PAM: variants seen among roughly 807,000 people sequenced by gnomAD.
PAM encodes peptidylglycine alpha-amidating monooxygenase.
PAM carries 72 observed loss-of-function variants against 122.1 expected under a neutral mutation model. The ratio of observed to expected loss-of-function variants is 0.59; its 90% CI spans 0.49 to 0.72. The LOEUF is 0.72. PAM is among the 30% of genes least tolerant of loss of function. The probability of loss-of-function intolerance (pLI) is 0.00; values close to 1 mark genes in which losing one functional copy is unlikely to be tolerated. For synonymous variants in PAM, 389 were observed against 404.4 expected (o/e 0.96, Z 0.46); for missense variants, 1,106 against 1,183.7 (o/e 0.93, Z 0.96).
intron 8 of PAM, 65 bp from the exon 9 acceptor site, chr5:102,948,313 G>C: frequency 3.3e-6 from 3 of 913,366 alleles, no homozygotes; most frequent in South Asian, 1.4e-5. Flanking sequence ...GGTATATGCT[G>C]TTTTTCCAAA....
Position 102,949,948 on chromosome 5 carries a change from G to T in PAM, c.771G>T (p.Leu257=), listed in dbSNP as rs1484468711. 1.3e-6 allele frequency: 2 copies of T among 1,593,698 alleles called. No individual in the cohort carries two copies. The highest frequency in any genetic ancestry group is 1.3e-5 in the African/African-American group (1 of 74,530). ...GAGTAAGAAATGGACAGTGGACACT[G>T]ATTGGACGGCAGAGCCCTCAGCTGC... The part of the protein sequence containing the change: ...GYRVRNGQWT[L]IGRQSPQLPQ... The change falls in exon 11 of 26, where the codon CTG becomes CTT. Residue 257 remains leucine (L), a synonymous_variant. Coordinates refer to ENST00000438793, the MANE Select transcript of PAM (RefSeq NM_001177306.2).
chr5:102,844,528 C>T (rs1215042646), intron 1 of PAM, among the ~76,000 whole-genome samples: 2 of 152,012 alleles, frequency 1.3e-5, no homozygotes, highest in African/African-American at 4.8e-5. Flanking sequence ...ATCAGCTGGG[C>T]ATAGTGGCTC....
chr5:103,015,957 C>T (rs1245833119), intron 21 of PAM, among the ~76,000 whole-genome samples: 1 of 152,188 alleles, frequency 6.6e-6, no homozygotes, highest in Non-Finnish European at 1.5e-5. Context: ...AAGTATTCTA[C>T]AACCATATGT....
intron 20 of PAM, among the ~76,000 whole-genome samples, chr5:103,007,897 C>G (rs934401598): frequency 6.6e-6 from 1 of 151,980 alleles, no homozygotes; most frequent in Non-Finnish European, 1.5e-5. Context: ...TAAAAATGTT[C>G]CCAAACATTG....
chr5:102,803,146 A>AAAGAAAGGAAGGAAGGAAGG (rs1765253037), intron 1 of PAM, among the ~76,000 whole-genome samples: 1 of 133,604 alleles, frequency 7.5e-6, no homozygotes, highest in Non-Finnish European at 1.6e-5. Flanking sequence ...AGAAAGAAAG[A>AAAGAAAGGAAGGAAGGAAGG]AAGGAAGGAA....
At chr5:102,876,785 C>T (rs927706520) in intron 3 of PAM, among the ~76,000 whole-genome samples, 6 of 152,210 alleles carry the variant, frequency 3.9e-5, no homozygotes, top group African/African-American at 1.4e-4. Flanking sequence ...GATTCCATCC[C>T]GTCACAGAGA....
intron 1 of PAM, among the ~76,000 whole-genome samples, chr5:102,844,972 A>G (rs1025021712): frequency 2.0e-5 from 3 of 152,232 alleles, no homozygotes; most frequent in African/African-American, 7.2e-5. Flanking sequence ...TTGTAGTCAA[A>G]TTCCTCTCAA....
At position 102,873,773 on chromosome 5, in the gene PAM, C is replaced by T. The variant is rs74784291; in HGVS notation, c.210+6380C>T. ...TAAAAGTCGCTCCAGTGGCCAGCCTCTAGAAAGAAGAATCCTGGGTGAAGA... is the reference window on the plus strand; with the variant it reads ...TAAAAGTCGCTCCAGTGGCCAGCCTTTAGAAAGAAGAATCCTGGGTGAAGA... On this transcript the variant is annotated intron_variant, in intron 3 of 25. Transcript: ENST00000438793. 1.1e-4 allele frequency: 16 copies of T among 152,276 alleles called. No homozygotes were observed. The East Asian group carries it at 2.5e-3, about 24-fold the overall frequency. The allele number at this position is 152,276 out of a possible 1,614,324, so 9.4% of individuals were successfully genotyped here. A position where few individuals can be genotyped will look rare whatever the true frequency, so the allele number is the denominator to read the frequency against.
intron 14 of PAM, among the ~76,000 whole-genome samples, chr5:102,966,925 T>C (rs1328620166): frequency 1.3e-5 from 2 of 152,158 alleles, no homozygotes; most frequent in Non-Finnish European, 2.9e-5. Context: ...CTGAGAGGTA[T>C]TTGATCATTT....
intron 1 of PAM, among the ~76,000 whole-genome samples, chr5:102,761,157 G>T (rs577022517): frequency 2.5e-4 from 38 of 152,348 alleles, no homozygotes; most frequent in African/African-American, 8.7e-4. Context: ...ACAGGAACAA[G>T]ATTTCCAGAT....
intron 1 of PAM, among the ~76,000 whole-genome samples, chr5:102,846,386 G>C (rs1332201210): frequency 6.6e-6 from 1 of 152,106 alleles, no homozygotes; most frequent in Non-Finnish European, 1.5e-5. Context: ...GTGTGTTCTG[G>C]TTGTACTTAA....
chr5:102,998,574 T>A (rs543347691), intron 16 of PAM, among the ~76,000 whole-genome samples: 1 of 152,190 alleles, frequency 6.6e-6, no homozygotes, highest in South Asian at 2.1e-4. Context: ...TGTACTAGTA[T>A]ATTCCAAGGA....
intron 7 of PAM, among the ~76,000 whole-genome samples, chr5:102,940,502 C>CTATATA (rs201777482): frequency 6.3e-5 from 9 of 141,824 alleles, no homozygotes; most frequent in African/African-American, 2.4e-4. Context: ...TATATATCAG[C>CTATATA]TATATATATA....
chr5:102,971,991 G>A (rs1765974802), intron 14 of PAM, among the ~76,000 whole-genome samples: 1 of 152,166 alleles, frequency 6.6e-6, no homozygotes, highest in African/African-American at 2.4e-5. Context: ...AGCCAAGCCT[G>A]TTGCATTATT....
intron 1 of PAM, among the ~76,000 whole-genome samples, chr5:102,780,819 C>A (rs916593134): frequency 8.1e-6 from 1 of 123,912 alleles, no homozygotes; most frequent in Non-Finnish European, 1.8e-5. Flanking sequence ...TTCTTTCTTT[C>A]TTTCTTTCTT....
Position 102,866,131 on chromosome 5 carries a change from C to A in PAM, c.-65C>A. On this transcript the variant is annotated 5_prime_UTR_variant, in exon 2 of 26. Transcript: ENST00000438793. ...GGCTGCTGGCGGCGCCGCTGCCCAA[C>A]CGCCAGCCCCAGCCCCGCGCTGCGC... The A allele has an allele frequency of 8.5e-7, 1 of 1,170,258 alleles. No homozygotes were observed. Among genetic ancestry groups the A allele is most frequent in the African/African-American group, 1.6e-5 (1 of 64,246 alleles). The allele number at this position is 1,170,258 out of a possible 1,614,324, so 72.5% of individuals were successfully genotyped here.
chr5:102,768,122 G>T (rs903252234), intron 1 of PAM, among the ~76,000 whole-genome samples: 3 of 152,064 alleles, frequency 2.0e-5, no homozygotes, highest in African/African-American at 7.2e-5. Context: ...TACTATAATG[G>T]TGTTAACTAC....
chr5:102,979,224 T>C (rs1768894394), intron 15 of PAM, among the ~76,000 whole-genome samples: 1 of 152,078 alleles, frequency 6.6e-6, no homozygotes, highest in Non-Finnish European at 1.5e-5. Flanking sequence ...AATATGAAAA[T>C]CTCATTTGCA....
chr5:102,877,871 T>C (rs947420570), intron 3 of PAM, among the ~76,000 whole-genome samples: 3 of 151,774 alleles, frequency 2.0e-5, no homozygotes, highest in Non-Finnish European at 4.4e-5. Flanking sequence ...TCTACAAAAA[T>C]TTAAAACAAT....
Sources: allele counts gnomAD v4.1 joint callset (sites outside exome capture counted in the v4.1 genomes callset), GRCh38; gene constraint gnomAD v4.1.1; transcripts MANE v1.5; gene names NCBI Gene and HGNC (gene_info 2026-07-23, HGNC 2026-07-21).